FILIP1: variants seen among roughly 807,000 people sequenced by gnomAD.
FILIP1 encodes the protein filamin-A-interacting protein 1.
In FILIP1, 61 loss-of-function variants were observed where a neutral mutation model predicts 102.1. The observed-to-expected ratio is 0.60, with a 90% CI of 0.49 to 0.74. The LOEUF is 0.74. FILIP1 is among the 30% of genes least tolerant of loss of function. The pLI, the probability that FILIP1 is intolerant of heterozygous loss-of-function variation, is 0.00. For synonymous variants in FILIP1, 491 were observed against 526.9 expected, an observed-to-expected ratio of 0.93 and a Z score of 0.93; for missense variants, 1,314 against 1,441.2, an observed-to-expected ratio of 0.91 and a Z score of 1.43.
chr6:75,309,416 C>T (rs1346530158), intron 5 of FILIP1, among the ~76,000 whole-genome samples: 1 of 152,180 alleles, frequency 6.6e-6, no homozygotes, highest in Non-Finnish European at 1.5e-5. Context: ...ATCAATTCAC[C>T]TCTCATATCT....
At chr6:75,341,904 C>T (rs1384288783) in intron 4 of FILIP1, among the ~76,000 whole-genome samples, 2 of 152,154 alleles carry the variant, frequency 1.3e-5, no homozygotes, top group Non-Finnish European at 2.9e-5. Flanking sequence ...TTGTTTTCCT[C>T]CAAGAGTTTA....
chr6:75,382,294 G>A (rs189522510), intron 2 of FILIP1, among the ~76,000 whole-genome samples: 5 of 152,322 alleles, frequency 3.3e-5, no homozygotes, highest in African/African-American at 1.2e-4. Context: ...GCTGCTGGGA[G>A]ACAGCCCTAG....
At chr6:75,376,664 G>T (rs117807035) in intron 2 of FILIP1, among the ~76,000 whole-genome samples, 56 of 152,192 alleles carry the variant, frequency 3.7e-4, no homozygotes, top group Non-Finnish European at 7.1e-4. Context: ...ATAACCAAAA[G>T]CCTTTCCATA....
chr6:75,471,229 T>C (rs910920701), intron 1 of FILIP1, among the ~76,000 whole-genome samples: 2 of 138,670 alleles, frequency 1.4e-5, no homozygotes, highest in Non-Finnish European at 3.1e-5. Flanking sequence ...AGTATAAAAG[T>C]GAAAAGACAA....
intron 4 of FILIP1, among the ~76,000 whole-genome samples, chr6:75,341,455 G>A (rs1350185863): frequency 6.6e-6 from 1 of 152,006 alleles, no homozygotes; most frequent in African/African-American, 2.4e-5. Context: ...ACTGTGCCAG[G>A]CTTTTGACAT....
downstream of FILIP1, among the ~76,000 whole-genome samples, chr6:75,305,177 G>A (rs976606249): frequency 1.3e-5 from 2 of 152,120 alleles, no homozygotes; most frequent in African/African-American, 2.4e-5. Flanking sequence ...CCTGTTTCCT[G>A]GGAAATCCTC....
intron 1 of FILIP1, among the ~76,000 whole-genome samples, chr6:75,467,791 C>T (rs1243029277): frequency 6.6e-6 from 1 of 152,098 alleles, no homozygotes; most frequent in African/African-American, 2.4e-5. Flanking sequence ...GATTTAAAAC[C>T]AGCTCAAAAC....
Position 75,312,889 on chromosome 6 carries a change from G to T in FILIP1, c.2943C>A (p.Val981=), listed in dbSNP as rs762448746. 1.9e-6 allele frequency: 3 copies of T among 1,614,062 alleles called. No homozygotes were observed. Among genetic ancestry groups the T allele is most frequent in the Non-Finnish European group, 2.5e-6 (3 of 1,180,050 alleles). ...TLGPERAMSP[V]TITTFSREKT... ...TCTCTCTGGAAAATGTAGTAATTGT[G>T]ACTGGGGACATGGCTCGTTCTGGGC... The change falls in exon 5 of 6, where the codon GTC becomes GTA. Residue 981 remains valine, a synonymous_variant. Transcript: ENST00000237172.
At chr6:75,350,970 T>C (rs1049712820) in intron 4 of FILIP1, among the ~76,000 whole-genome samples, 1 of 152,216 alleles carries the variant, frequency 6.6e-6, no homozygotes, top group Admixed American at 6.5e-5. Context: ...TTGTTGTAGA[T>C]AGCCTTGTGC....
intron 4 of FILIP1, among the ~76,000 whole-genome samples, chr6:75,337,020 T>C (rs1411287082): frequency 6.6e-6 from 1 of 152,176 alleles, no homozygotes; most frequent in African/African-American, 2.4e-5. Flanking sequence ...GTATCTTGTA[T>C]TCACTCATTC....
intron 1 of FILIP1, among the ~76,000 whole-genome samples, chr6:75,482,249 T>C (rs1487533528): frequency 6.6e-6 from 1 of 152,166 alleles, no homozygotes; most frequent in African/African-American, 2.4e-5. Context: ...TAAGGTGAAA[T>C]AAAGCAAAAT....
intron 4 of FILIP1, among the ~76,000 whole-genome samples, chr6:75,331,594 A>G (rs1020304636): frequency 6.6e-6 from 1 of 152,154 alleles, no homozygotes; most frequent in Non-Finnish European, 1.5e-5. Flanking sequence ...GTAGTTGTTC[A>G]GGGCTTTTGC....
intron 1 of FILIP1, among the ~76,000 whole-genome samples, chr6:75,442,655 G>A (rs911406889): frequency 1.3e-5 from 2 of 152,254 alleles, no homozygotes; most frequent in African/African-American, 4.8e-5. Context: ...TCGGCAGGCT[G>A]AGGCAGGAGA....
intron 2 of FILIP1, among the ~76,000 whole-genome samples, chr6:75,413,832 T>C (rs185715387): frequency 3.0e-4 from 46 of 151,098 alleles, no homozygotes; most frequent in Non-Finnish European, 4.9e-4. Context: ...AATATAATTG[T>C]TCAGGGCTCA....
chr6:75,443,482 A>G (rs1778343084), intron 1 of FILIP1, among the ~76,000 whole-genome samples: 2 of 152,228 alleles, frequency 1.3e-5, no homozygotes. Context: ...CCTGACTTGT[A>G]GTGAGTCACT....
intron 1 of FILIP1, among the ~76,000 whole-genome samples, chr6:75,470,839 A>C (rs923462058): frequency 6.6e-6 from 1 of 152,156 alleles, no homozygotes; most frequent in Non-Finnish European, 1.5e-5. Context: ...CTTCTGGAAT[A>C]AGACACAAAA....
chr6:75,420,218 G>A (rs1777409261), intron 1 of FILIP1, among the ~76,000 whole-genome samples: 1 of 151,538 alleles, frequency 6.6e-6, no homozygotes, highest in Admixed American at 6.6e-5. Flanking sequence ...TAAAACTATG[G>A]TGAAATATTT....
At chr6:75,411,304 A>G (rs753924769) in intron 2 of FILIP1, among the ~76,000 whole-genome samples, 8 of 152,076 alleles carry the variant, frequency 5.3e-5, no homozygotes, top group Non-Finnish European at 1.0e-4. Flanking sequence ...TTCCTTGTAG[A>G]TTCTGGATAT....
intron 2 of FILIP1, among the ~76,000 whole-genome samples, chr6:75,400,909 T>C (rs1776633934): frequency 6.6e-6 from 1 of 152,060 alleles, no homozygotes; most frequent in Admixed American, 6.6e-5. Context: ...ATAGGTAAAA[T>C]ACTTCTACAT....
Sources: allele counts gnomAD v4.1 joint callset (sites outside exome capture counted in the v4.1 genomes callset), GRCh38; gene constraint gnomAD v4.1.1; transcripts MANE v1.5; gene names NCBI Gene and HGNC (gene_info 2026-07-23, HGNC 2026-07-21).